Variants in FAM13C observed in about 807,000 individuals in gnomAD.
The protein encoded by FAM13C is protein FAM13C.
In FAM13C, 37 loss-of-function variants were observed where a neutral mutation model predicts 73.2. The ratio of observed to expected loss-of-function variants is 0.51; its 90% CI spans 0.39 to 0.67. The LOEUF (loss-of-function observed/expected upper bound fraction) is 0.67, where lower values mean the gene tolerates loss of function less well. Ranked by LOEUF, FAM13C falls within the 30% of genes least tolerant of loss-of-function variation. The probability of loss-of-function intolerance (pLI) is 0.00; values close to 1 mark genes in which losing one functional copy is unlikely to be tolerated. For missense variants in FAM13C, 589 were observed against 715.6 expected (o/e 0.82, Z 2.02); for synonymous variants, 246 against 260.9 (o/e 0.94, Z 0.55).
chr10:59,256,268 G>T (rs1311670196), intron 10 of FAM13C, among the ~76,000 whole-genome samples: 3 of 152,076 alleles, frequency 2.0e-5, no homozygotes, highest in African/African-American at 7.2e-5. Context: ...ATCTTACTGG[G>T]ACTTACAATT....
intron 2 of FAM13C, among the ~76,000 whole-genome samples, chr10:59,353,783 T>C (rs1159386232): frequency 6.6e-6 from 1 of 152,206 alleles, no homozygotes; most frequent in African/African-American, 2.4e-5. Flanking sequence ...TAGTTAAACT[T>C]GAATCCAGAA....
chr10:59,321,431 CCTTTTTTTTTTT>C (rs1228969034), intron 4 of FAM13C, among the ~76,000 whole-genome samples: 13 of 109,848 alleles, frequency 1.2e-4, no homozygotes, highest in African/African-American at 3.8e-4. Flanking sequence ...CCTGCCAACA[CCTTTTTTTTTTT>C]TTTTTTTTTT....
chr10:59,254,303 C>T, intron 11 of FAM13C, 45 bp downstream of exon 11: 1 of 1,293,534 alleles, frequency 7.7e-7, no homozygotes, highest in Non-Finnish European at 1.1e-6. Flanking sequence ...ATCCTGTTAA[C>T]TACACATCAG....
At chr10:59,351,041 T>A (rs952725522) in intron 3 of FAM13C, among the ~76,000 whole-genome samples, 5 of 152,170 alleles carry the variant, frequency 3.3e-5, no homozygotes, top group African/African-American at 9.7e-5. Flanking sequence ...CAATCTTTTT[T>A]AAAAGCATCA....
rs181072765 is a variant in FAM13C at position 59,309,104 on chromosome 10, A to G, written c.444-6240T>C. ...AGTGAAAAGCTTCCCCATCTTGCCAATGGCTCATGGAAGACAACGGACAGC... is the reference window on the plus strand; with the variant it reads ...AGTGAAAAGCTTCCCCATCTTGCCAGTGGCTCATGGAAGACAACGGACAGC... On this transcript the variant is annotated intron_variant, in intron 4 of 13. Transcript: ENST00000618804. Among the ~76,000 whole-genome samples the G allele has an allele frequency of 1.8e-4, 27 of 152,358 alleles. No homozygotes were observed. The East Asian group carries it at 5.0e-3, about 28-fold the overall frequency.
rs988506440 is a variant in FAM13C at position 59,278,153 on chromosome 10, C to T, written c.592+5210G>A. Among the ~76,000 whole-genome samples the T allele has an allele frequency of 7.9e-5, 12 of 152,226 alleles. No homozygotes were observed. The South Asian group carries it at 1.2e-3, about 16-fold the overall frequency. ...ACCTCATGTGACTTATTCACTATCA[C>T]GAGAGCAGCATGGGAAAGACCTGCC... On this transcript the variant is annotated intron_variant, in intron 6 of 13. Transcript: ENST00000618804.
chr10:59,310,489 G>A (rs372497051), intron 4 of FAM13C, among the ~76,000 whole-genome samples: 4 of 152,048 alleles, frequency 2.6e-5, no homozygotes, highest in African/African-American at 9.7e-5. Context: ...AAGCCACATT[G>A]AAGACATTCT....
intron 4 of FAM13C, among the ~76,000 whole-genome samples, chr10:59,320,353 G>C (rs556932493): frequency 3.2e-4 from 49 of 152,274 alleles, no homozygotes; most frequent in Non-Finnish European, 5.3e-4. Flanking sequence ...GCACTGTAAG[G>C]CCAAGGAATA....
intron 4 of FAM13C, among the ~76,000 whole-genome samples, chr10:59,303,739 G>A (rs573239314): frequency 6.6e-6 from 1 of 152,276 alleles, no homozygotes; most frequent in African/African-American, 2.4e-5. Context: ...ATAAGGAAGT[G>A]AGCTCTTACT....
chr10:59,272,131 A>AT (rs1255134292), intron 6 of FAM13C, among the ~76,000 whole-genome samples: 1 of 152,210 alleles, frequency 6.6e-6, no homozygotes, highest in Non-Finnish European at 1.5e-5. Flanking sequence ...TGCAACAGTA[A>AT]TTGTAAACCT....
At chr10:59,307,634 T>C (rs2133902877) in intron 4 of FAM13C, among the ~76,000 whole-genome samples, 1 of 152,268 alleles carries the variant, frequency 6.6e-6, no homozygotes, top group East Asian at 1.9e-4. Context: ...GTGGATAAAA[T>C]AAAGTCTGCC....
At chr10:59,325,086 A>G (rs1269465965) in intron 3 of FAM13C, among the ~76,000 whole-genome samples, 1 of 151,826 alleles carries the variant, frequency 6.6e-6, no homozygotes, top group Non-Finnish European at 1.5e-5. Context: ...TACTAAAACA[A>G]AAATCTGCGA....
intron 3 of FAM13C, among the ~76,000 whole-genome samples, chr10:59,345,649 C>T (rs1203404167): frequency 6.6e-6 from 1 of 152,082 alleles, no homozygotes; most frequent in East Asian, 1.9e-4. Context: ...AACCAGTAAA[C>T]CCAAACATTT....
intron 4 of FAM13C, among the ~76,000 whole-genome samples, chr10:59,310,757 G>C (rs911635647): frequency 8.5e-5 from 13 of 152,128 alleles, no homozygotes; most frequent in Non-Finnish European, 1.5e-4. Flanking sequence ...TACCCTCCCA[G>C]AAGCCAACTT....
chr10:59,261,961 A>T, intron 10 of FAM13C, among the ~76,000 whole-genome samples: 1 of 152,160 alleles, frequency 6.6e-6, no homozygotes, highest in East Asian at 1.9e-4. Context: ...TTGTATTTCA[A>T]CTTAACTCTC....
upstream of FAM13C, chr10:59,362,577 T>C (rs966468981): frequency 3.3e-6 from 5 of 1,538,442 alleles, no homozygotes; most frequent in African/African-American, 4.1e-5. Flanking sequence ...TCGCTCTACC[T>C]TGGGCTGCTG....
intron 11 of FAM13C, 60 bp downstream of exon 11, chr10:59,254,288 G>T: frequency 8.9e-7 from 1 of 1,123,082 alleles, no homozygotes; most frequent in South Asian, 1.6e-5. Context: ...GTACTACTAT[G>T]TGACATCCTG....
chr10:59,329,342 G>GT (rs71006247), intron 3 of FAM13C, among the ~76,000 whole-genome samples: 23 of 77,302 alleles, frequency 3.0e-4, no homozygotes, highest in East Asian at 1.2e-3. Context: ...TTTCTTTCTG[G>GT]TTTTTTTTTT....
chr10:59,317,113 G>T lies in FAM13C; in HGVS notation c.443+6875C>A, dbSNP rs184957337. On this transcript the variant is annotated intron_variant, in intron 4 of 13. Transcript: ENST00000618804. ...GTAGGAGCTCTGTGTGTATGTGTAT[G>T]TCACTATACATAATGTGTGTGTGTG... is the stretch of plus-strand genomic sequence containing the variant. Among the ~76,000 whole-genome samples, 116 of 135,346 alleles carry T rather than the reference G, an allele frequency of 8.6e-4. No individual in the cohort carries two copies. In the Middle Eastern group the frequency reaches 0.011, roughly 13 times the overall value. The allele number at this position is 135,346 out of a possible 152,430, so 88.8% of individuals were successfully genotyped here. A position where few individuals can be genotyped will look rare whatever the true frequency, so the allele number is the denominator to read the frequency against.
Sources: allele counts gnomAD v4.1 joint callset (sites outside exome capture counted in the v4.1 genomes callset), GRCh38; gene constraint gnomAD v4.1.1; transcripts MANE v1.5; gene names NCBI Gene and HGNC (gene_info 2026-07-23, HGNC 2026-07-21).